ZDBF2: variants seen among roughly 807,000 people sequenced by gnomAD.
ZDBF2 encodes the protein zinc finger DBF-type containing 2, also known as DBF4-type zinc finger-containing protein 2.
Under a neutral mutation model 9.4 loss-of-function variants are expected in ZDBF2, and 6 were observed. The ratio of observed to expected loss-of-function variants is 0.64; its 90% confidence interval spans 0.35 to 1.27. The LOEUF is 1.27. Among genes scored for constraint, ZDBF2 ranks in the 50% most tolerant of loss-of-function variants. ZDBF2 has a pLI of 0.03. For synonymous variants in ZDBF2, 905 were observed against 946.3 expected, an observed-to-expected ratio of 0.96 and a Z score of 0.80; for missense variants, 2,697 against 2,766.8, an observed-to-expected ratio of 0.97 and a Z score of 0.57.
Position 206,307,533 on chromosome 2 carries a change from T to A in ZDBF2, c.3005T>A (p.Leu1002Ter). Residue 1002 changes from leucine to a stop codon, truncating the protein, a stop_gained, in exon 5 of 5, where the codon TTA (leucine) becomes TAA (stop). Coordinates refer to ENST00000374423, the MANE Select transcript of ZDBF2 (RefSeq NM_020923.3). LOFTEE classifies it low-confidence loss of function (END_TRUNC). ...GAATTCAGTGGTTCAAAAACAAGTT[T>A]AGATTCTGGTGTCCCTCATTATTCA... ...STEFSGSKTSLDSGVPHYSVT... is the reference protein window; with the variant it reads ...STEFSGSKTS The A allele has an allele frequency of 1.2e-6, 2 of 1,613,818 alleles. No individual in the cohort carries two copies. The highest frequency in any genetic ancestry group is 1.7e-6 in the Non-Finnish European group (2 of 1,179,766).
At chr2:206,286,124 G>T (rs1691587481) in intron 3 of ZDBF2, among the ~76,000 whole-genome samples, 1 of 152,112 alleles carries the variant, frequency 6.6e-6, no homozygotes, top group Non-Finnish European at 1.5e-5. Flanking sequence ...CCTAATATGT[G>T]GCCTATCCTG....
At position 206,307,103 on chromosome 2, in the gene ZDBF2, C is replaced by G; in HGVS notation, c.2575C>G (p.His859Asp). 6.2e-7 allele frequency: 1 copy of G among 1,611,742 alleles called. No individual in the cohort carries two copies. Among genetic ancestry groups the G allele is most frequent in the Non-Finnish European group, 8.5e-7 (1 of 1,179,226 alleles). The change falls in exon 5 of 5, where the codon CAC (histidine) becomes GAC (aspartate). Residue 859 changes from histidine (H) to aspartate (D), a missense_variant. Physicochemically the swap from His to Asp is moderately conservative, Grantham distance 81. This residue lies in a region of ZDBF2 where 1,783 missense variants were observed against 1,776.5 expected (regional missense o/e 1.00). Transcript: ENST00000374423. ...KEVIQKEEYI[H>D]LERKNDEPSG... The stretch of plus-strand genomic sequence containing the variant: ...AGTAATTCAGAAAGAAGAGTACATT[C>G]ACTTAGAAAGGAAGAATGATGAACC...
chr2:206,306,636 G>A lies in ZDBF2; in HGVS notation c.2108G>A (p.Arg703His), dbSNP rs760671336. The stretch of plus-strand genomic sequence containing the variant: ...GAGAATAAGAGTGTTCAGTCTAGCC[G>A]TTCTTCTCTGAGTTCTGATTCTCCG... ...DLENKSVQSS[R>H]SSLSSDSPAS... Residue 703 changes from arginine (R) to histidine (H), a missense_variant, in exon 5 of 5, where the codon CGT becomes CAT. This residue lies in a region of ZDBF2 where 910 missense variants were observed against 973.6 expected (regional missense o/e 0.93). Transcript: ENST00000374423. 1.4e-5 allele frequency: 22 copies of A among 1,613,544 alleles called. No individual in the cohort carries two copies. The highest frequency in any genetic ancestry group is 1.6e-4 in the Middle Eastern group (1 of 6,084).
At chr2:206,275,125 G>A (rs894400496) in intron 1 of ZDBF2, among the ~76,000 whole-genome samples, 179 bp downstream of exon 1, 6 of 152,106 alleles carry the variant, frequency 3.9e-5, no homozygotes, top group African/African-American at 1.4e-4. Flanking sequence ...CCCCTGCTGC[G>A]TGAGAGGTGT....
rs1174489585 is a variant in ZDBF2 at position 206,305,871 on chromosome 2, C to T, written c.1343C>T (p.Ser448Phe). Residue 448 changes from serine (S) to phenylalanine (F), a missense_variant, in exon 5 of 5, where the codon TCT becomes TTT. Ser to Phe is a radical substitution (Grantham distance 155). This residue lies in a region of ZDBF2 where 910 missense variants were observed against 973.6 expected (regional missense o/e 0.93). Transcript: ENST00000374423. Reference sequence around the variant, plus strand: ...TATAAGAATAATAAATCTTATGTTTCTAAAATAAGTTCTGATTGTGATGAC... The same window carrying T: ...TATAAGAATAATAAATCTTATGTTTTTAAAATAAGTTCTGATTGTGATGAC... ...VQYKNNKSYVSKISSDCDDIL... is the reference protein window; with the variant it reads ...VQYKNNKSYVFKISSDCDDIL... 3 of 1,612,786 alleles carry T rather than the reference C, an allele frequency of 1.9e-6. No individual in the cohort carries two copies. The African/African-American group carries it at 4.0e-5, about 22-fold the overall frequency.
intron 4 of ZDBF2, among the ~76,000 whole-genome samples, chr2:206,299,552 G>C (rs1692384214): frequency 6.6e-6 from 1 of 151,904 alleles, no homozygotes; most frequent in Non-Finnish European, 1.5e-5. Context: ...CACACCCGTA[G>C]TCCCAGCTAC....
At position 206,305,206 on chromosome 2, in the gene ZDBF2, A is replaced by G; in HGVS notation, c.678A>G (p.Lys226=). Residue 226 remains lysine, a synonymous_variant, in exon 5 of 5, where the codon AAA becomes AAG. Transcript: ENST00000374423. ...AATGTGACCCAAACAAAGTTGAGAA[A>G]TATCTTGAACAGCCAGATGGGGCCT... ...VSKCDPNKVE[K]YLEQPDGASR... 1 of 1,613,858 alleles carries G rather than the reference A, an allele frequency of 6.2e-7. No individual in the cohort carries two copies. The highest frequency in any genetic ancestry group is 1.7e-5 in the Admixed American group (1 of 59,956).
At chr2:206,289,084 A>G (rs1691750937) in intron 3 of ZDBF2, among the ~76,000 whole-genome samples, 1 of 152,094 alleles carries the variant, frequency 6.6e-6, no homozygotes, top group African/African-American at 2.4e-5. Context: ...GGCTAGTAGG[A>G]TGAGGTGTCT....
rs533423194 is a variant in ZDBF2 at position 206,284,721 on chromosome 2, A to G, written c.60+2812A>G. Among the ~76,000 whole-genome samples the G allele has an allele frequency of 2.6e-4, 39 of 152,272 alleles. No homozygotes were observed. In the East Asian group the frequency reaches 7.3e-3, roughly 29 times the overall value. On this transcript the variant is annotated intron_variant, in intron 3 of 4. Coordinates refer to ENST00000374423, the MANE Select transcript of ZDBF2 (RefSeq NM_020923.3). ...GAATCGTATTCTACTGTGTATATAT[A>G]CCACATTTCCTTTTTGTGTGTGTGT...
At chr2:206,293,338 A>C (rs547376559) in intron 3 of ZDBF2, among the ~76,000 whole-genome samples, 40 of 152,302 alleles carry the variant, frequency 2.6e-4, no homozygotes, top group Admixed American at 7.8e-4. Flanking sequence ...TACATGTTGT[A>C]GCCAAAATAG....
At chr2:206,298,223 A>G (rs1200237788) in intron 4 of ZDBF2, among the ~76,000 whole-genome samples, 3 of 152,220 alleles carry the variant, frequency 2.0e-5, no homozygotes, top group South Asian at 4.1e-4. Context: ...TTAATGCCCT[A>G]TGTTAAAGAA....
At chr2:206,280,335 T>A (rs752977533) in intron 2 of ZDBF2, among the ~76,000 whole-genome samples, 28 of 152,242 alleles carry the variant, frequency 1.8e-4, no homozygotes, top group Non-Finnish European at 3.7e-4. Flanking sequence ...CCAAAAATAT[T>A]TAAGTATTTA....
At chr2:206,297,673 A>G (rs2105931338) in intron 4 of ZDBF2, among the ~76,000 whole-genome samples, 1 of 151,996 alleles carries the variant, frequency 6.6e-6, no homozygotes, top group Admixed American at 6.6e-5. Flanking sequence ...AGGAAGAGAT[A>G]GTTTTTTTTG....
At chr2:206,302,096 A>C (rs1574410408) in intron 4 of ZDBF2, among the ~76,000 whole-genome samples, 1 of 151,936 alleles carries the variant, frequency 6.6e-6, no homozygotes, top group Non-Finnish European at 1.5e-5. Flanking sequence ...GTAGTCTCAA[A>C]GTCCTGGGCT....
Position 206,306,077 on chromosome 2 carries a change from A to T in ZDBF2, c.1549A>T (p.Asn517Tyr), listed in dbSNP as rs1692775125. ...CCCCCAACAATCTGTAACAGAAGTA[A>T]ACCTTCCTAAGGAAGTGCACATTGG... is the stretch of plus-strand genomic sequence containing the variant. ...DYPQQSVTEV[N>Y]LPKEVHIGLV... Residue 517 changes from asparagine to tyrosine, a missense_variant, in exon 5 of 5, where the codon AAC (asparagine) becomes TAC (tyrosine). By Grantham distance (143) the Asn-to-Tyr change is moderately radical. This residue lies in a region of ZDBF2 where 910 missense variants were observed against 973.6 expected (regional missense o/e 0.93). Transcript: ENST00000374423. 3 of 1,613,692 alleles carry T rather than the reference A, an allele frequency of 1.9e-6. No homozygotes were observed. The highest frequency in any genetic ancestry group is 1.7e-5 in the Admixed American group (1 of 59,986).
chr2:206,282,187 A>C (rs1691356368), intron 3 of ZDBF2, among the ~76,000 whole-genome samples: 1 of 152,180 alleles, frequency 6.6e-6, no homozygotes, highest in African/African-American at 2.4e-5. Flanking sequence ...AGGAAAACAA[A>C]ATAGGGAAGG....
At chr2:206,290,829 A>G (rs1362178529) in intron 3 of ZDBF2, among the ~76,000 whole-genome samples, 1 of 152,028 alleles carries the variant, frequency 6.6e-6, no homozygotes, top group African/African-American at 2.4e-5. Context: ...TCTGGATGCC[A>G]TTATTTCTTT....
In ZDBF2 at chr2:206,313,693, T is replaced by C. The variant is rs1693287990; in HGVS notation, c.*2100T>C. The C allele has an allele frequency of 6.6e-6, 1 of 152,164 alleles. No homozygotes were observed. Among genetic ancestry groups the C allele is most frequent in the Non-Finnish European group, 1.5e-5 (1 of 67,996 alleles). 9.4% of individuals were successfully genotyped at this position (152,164 alleles called of 1,614,324 possible). On this transcript the variant is annotated 3_prime_UTR_variant, in exon 5 of 5. Coordinates refer to ENST00000374423, the MANE Select transcript of ZDBF2 (RefSeq NM_020923.3). ...TGATTACATCATGCAGAGAGAACAGTTCCTGTAATTCAAGTAATTAAAATT... is the reference window on the plus strand; with the variant it reads ...TGATTACATCATGCAGAGAGAACAGCTCCTGTAATTCAAGTAATTAAAATT...
chr2:206,296,860 G>A (rs1171220830), intron 3 of ZDBF2, among the ~76,000 whole-genome samples: 1 of 152,010 alleles, frequency 6.6e-6, no homozygotes. Flanking sequence ...TTCTTAATAT[G>A]TAACGTTTCC....
Sources: allele counts gnomAD v4.1 joint callset (sites outside exome capture counted in the v4.1 genomes callset), GRCh38; gene constraint gnomAD v4.1.1; regional missense constraint gnomAD v4.1.1; transcripts MANE v1.5; gene names NCBI Gene and HGNC (gene_info 2026-07-23, HGNC 2026-07-21).